Variants in PRKD1 observed in about 807,000 individuals in gnomAD.
The protein encoded by PRKD1 is serine/threonine-protein kinase D1.
Under a neutral mutation model 95.9 loss-of-function variants are expected in PRKD1, and 63 were observed. The ratio of observed to expected loss-of-function variants is 0.66; its 90% CI spans 0.54 to 0.81. The LOEUF (loss-of-function observed/expected upper bound fraction) is 0.81, where lower values mean the gene tolerates loss of function less well. Among genes scored for constraint, PRKD1 ranks in the 30% least tolerant of loss-of-function variants. PRKD1 has a pLI of 0.00. For missense variants in PRKD1, 1,048 were observed against 1,165.3 expected (o/e 0.90, Z 1.47); for synonymous variants, 425 against 423.1 (o/e 1.00, Z -0.05).
chr14:29,676,248 T>C (rs1162604623), intron 2 of PRKD1, among the ~76,000 whole-genome samples: 1 of 143,328 alleles, frequency 7.0e-6, no homozygotes, highest in Non-Finnish European at 1.5e-5. Flanking sequence ...GCTCATCCAT[T>C]CACCAGCTGA....
chr14:29,645,732 T>C (rs1237417234), intron 4 of PRKD1, among the ~76,000 whole-genome samples: 3 of 152,108 alleles, frequency 2.0e-5, no homozygotes, highest in Non-Finnish European at 4.4e-5. Flanking sequence ...ATAACTGTTA[T>C]TATTGTTGAC....
chr14:29,902,784 A>T (rs1894361355), intron 1 of PRKD1, among the ~76,000 whole-genome samples: 1 of 152,198 alleles, frequency 6.6e-6, no homozygotes, highest in African/African-American at 2.4e-5. Flanking sequence ...TAAAAGTGTT[A>T]CTGAGTTTTT....
chr14:29,720,794 AAT>A (rs1885856205), intron 2 of PRKD1, among the ~76,000 whole-genome samples: 1 of 151,668 alleles, frequency 6.6e-6, no homozygotes, highest in African/African-American at 2.4e-5. Flanking sequence ...AAAATAAATA[AAT>A]AAATAAATAA....
chr14:29,619,014 T>C (rs1312933733), intron 13 of PRKD1, among the ~76,000 whole-genome samples: 1 of 152,240 alleles, frequency 6.6e-6, no homozygotes, highest in Non-Finnish European at 1.5e-5. Context: ...TAGGCCCTAC[T>C]AGGGCACCAG....
intron 2 of PRKD1, among the ~76,000 whole-genome samples, chr14:29,712,122 T>A (rs1885361565): frequency 6.6e-6 from 1 of 152,168 alleles, no homozygotes; most frequent in African/African-American, 2.4e-5. Flanking sequence ...AGATCTTTAT[T>A]GTTTCCTAAC....
chr14:29,666,906 G>A (rs117655734), intron 2 of PRKD1, among the ~76,000 whole-genome samples: 1 of 152,182 alleles, frequency 6.6e-6, no homozygotes, highest in East Asian at 1.9e-4. Flanking sequence ...GAACTTTTTG[G>A]TGTTGCTTAC....
At chr14:29,653,057 C>T (rs927748310) in intron 4 of PRKD1, among the ~76,000 whole-genome samples, 18 of 152,052 alleles carry the variant, frequency 1.2e-4, no homozygotes, top group Admixed American at 6.5e-4. Context: ...GTTCTATGAA[C>T]GTATGCAGCC....
intron 14 of PRKD1, 37 bp downstream of exon 14, chr14:29,599,619 A>T: frequency 6.4e-7 from 1 of 1,567,932 alleles, no homozygotes. Context: ...TTTGATATTA[A>T]ATATTGTATT....
At chr14:29,753,873 CCAAA>C (rs1426446192) in intron 1 of PRKD1, among the ~76,000 whole-genome samples, 1 of 152,066 alleles carries the variant, frequency 6.6e-6, no homozygotes, top group Non-Finnish European at 1.5e-5. Context: ...AACTTGCTGC[CCAAA>C]CAATGTGGCA....
At chr14:29,707,406 A>G (rs1374671273) in intron 2 of PRKD1, among the ~76,000 whole-genome samples, 1 of 152,200 alleles carries the variant, frequency 6.6e-6, no homozygotes, top group East Asian at 1.9e-4. Context: ...TTTGGGATAC[A>G]TTAGATTCCT....
intron 13 of PRKD1, among the ~76,000 whole-genome samples, chr14:29,619,305 T>C (rs758038620): frequency 1.3e-5 from 2 of 152,152 alleles, no homozygotes; most frequent in African/African-American, 2.4e-5. Context: ...ATGAGGGTTT[T>C]TGCAGAGCAA....
intron 13 of PRKD1, among the ~76,000 whole-genome samples, chr14:29,617,910 T>A (rs1430459994): frequency 6.7e-6 from 1 of 149,766 alleles, no homozygotes; most frequent in Non-Finnish European, 1.5e-5. Context: ...CTACCAAAAA[T>A]AAAAAAAAAA....
intron 1 of PRKD1, among the ~76,000 whole-genome samples, chr14:29,779,057 T>C (rs1471603050): frequency 1.3e-5 from 2 of 152,224 alleles, no homozygotes; most frequent in East Asian, 1.9e-4. Flanking sequence ...TCTGAATAGA[T>C]GCAGAAAAGG....
intron 4 of PRKD1, among the ~76,000 whole-genome samples, chr14:29,644,598 A>T (rs1328329348): frequency 6.6e-6 from 1 of 152,136 alleles, no homozygotes; most frequent in Non-Finnish European, 1.5e-5. Flanking sequence ...GAAAAAAAAA[A>T]AATTTAAAAA....
chr14:29,911,486 C>A (rs569132043), intron 1 of PRKD1, among the ~76,000 whole-genome samples: 2 of 152,180 alleles, frequency 1.3e-5, no homozygotes, highest in Admixed American at 1.3e-4. Flanking sequence ...CCCAAGGGCA[C>A]TGAACATTTT....
intron 1 of PRKD1, among the ~76,000 whole-genome samples, chr14:29,770,923 C>A (rs1368999892): frequency 3.3e-5 from 3 of 90,082 alleles, no homozygotes; most frequent in Non-Finnish European, 3.8e-5. Context: ...TAGAGTGAGA[C>A]ACTGTCCAAA....
At chr14:29,922,070 G>A (rs993088766) in intron 1 of PRKD1, among the ~76,000 whole-genome samples, 1 of 151,954 alleles carries the variant, frequency 6.6e-6, no homozygotes, top group Non-Finnish European at 1.5e-5. Flanking sequence ...GGGAGGCCAA[G>A]GCGGGCGGAT....
intron 14 of PRKD1, among the ~76,000 whole-genome samples, 162 bp downstream of exon 14, chr14:29,599,494 A>G (rs1223892326): frequency 3.9e-5 from 6 of 152,224 alleles, no homozygotes; most frequent in Non-Finnish European, 8.8e-5. Context: ...TCTGATTAAT[A>G]TAGATATAAA....
At chr14:29,693,392 C>T (rs7142179) in intron 2 of PRKD1, among the ~76,000 whole-genome samples, 78,836 of 151,638 alleles carry the variant, frequency 0.52, 23,127 homozygotes, top group African/African-American at 0.8. Flanking sequence ...TCCCTAGAGG[C>T]GTAAAAAATG....
Sources: allele counts gnomAD v4.1 joint callset (sites outside exome capture counted in the v4.1 genomes callset), GRCh38; gene constraint gnomAD v4.1.1; transcripts MANE v1.5; gene names NCBI Gene and HGNC (gene_info 2026-07-23, HGNC 2026-07-21).